CASP5: variants seen among roughly 807,000 people sequenced by gnomAD.
The protein encoded by CASP5 is caspase 5.
CASP5 carries 42 observed loss-of-function variants against 45.2 expected under a neutral mutation model. The observed-to-expected ratio is 0.93, with a 90% CI of 0.73 to 1.20. CASP5 has a LOEUF of 1.20. Ranked by LOEUF, CASP5 falls within the 50% of genes most tolerant of loss-of-function variation. CASP5 has a pLI of 0.00. For missense variants in CASP5, 512 were observed against 532.2 expected (o/e 0.96, Z 0.37); for synonymous variants, 209 against 186.2 (o/e 1.12, Z -1.00).
chr11:105,009,718 CACATATATATATATATAT>C (rs1231400214), intron 1 of CASP5, among the ~76,000 whole-genome samples: 5 of 83,578 alleles, frequency 6.0e-5, no homozygotes, highest in Non-Finnish European at 1.1e-4. Context: ...TATATATACA[CACATATATATATATATAT>C]ATATATATAT....
rs758411202 is a variant in CASP5 at position 105,007,159 on chromosome 11, CAA to C, written c.355_356del (p.Leu119AlafsTer36). On this transcript the variant is annotated frameshift_variant, in exon 3 of 10. Coordinates refer to ENST00000260315, the MANE Select transcript of CASP5 (RefSeq NM_004347.5). LOFTEE classifies it high-confidence loss of function. ...TTTGATGAGCCACGCGATTCTTTCG[CAA>C]AGAGTCTACCAAGATCAGGGCCTTG... Reference protein sequence around the residue: ...EDKALILVDSLRKNRVAHQMF... With the variant: ...EDKALILVDSXRKNRVAHQMF... 3.7e-6 allele frequency: 6 copies of C among 1,613,796 alleles called. No homozygotes were observed. In the African/African-American group the frequency reaches 4.0e-5, roughly 11 times the overall value.
In CASP5 at chr11:105,004,643, T is replaced by A. The variant is rs981475952; in HGVS notation, c.434-1260A>T. 1.1e-4 allele frequency among the ~76,000 whole-genome samples: 17 copies of A among 152,184 alleles called. 1 individual carries two copies. Among genetic ancestry groups the A allele is most frequent in the African/African-American group, 3.6e-4 (15 of 41,448 alleles). ...GTTTTTAAATATTTCATGTATTTTT[T>A]ATATATCAATCATTTGTTTCTCTTC... On this transcript the variant is annotated intron_variant, in intron 3 of 9. Transcript: ENST00000260315.
intron 4 of CASP5, 69 bp from the exon 5 acceptor site, chr11:105,002,270 T>C (rs1861777842): frequency 6.6e-7 from 1 of 1,507,890 alleles, no homozygotes; most frequent in Non-Finnish European, 9.1e-7. Flanking sequence ...TGCCTCACAA[T>C]TTTGCTTTTT....
At chr11:105,003,483 A>G (rs1861852384) in intron 3 of CASP5, 100 bp from the exon 4 acceptor site, 2 of 661,550 alleles carry the variant, frequency 3.0e-6, no homozygotes, top group Admixed American at 2.8e-5. Context: ...TCCTAGGAAA[A>G]AGACTCTTTA....
At chr11:105,014,892 T>C (rs1338015886) in intron 1 of CASP5, among the ~76,000 whole-genome samples, 2 of 152,164 alleles carry the variant, frequency 1.3e-5, no homozygotes, top group Non-Finnish European at 2.9e-5. Flanking sequence ...AGGTAGAAGA[T>C]AGCTGTCCAG....
Position 105,023,014 on chromosome 11 carries a change from A to G in CASP5, c.7+116T>C, listed in dbSNP as rs970430743. Reference sequence around the variant, plus strand: ...ACCACCAATAAGAGAAAGATTCAGCATGCACACTATTGGTTGATTTCCCTT... The same window carrying G: ...ACCACCAATAAGAGAAAGATTCAGCGTGCACACTATTGGTTGATTTCCCTT... On this transcript the variant is annotated intron_variant, in intron 1 of 9. Coordinates refer to ENST00000260315, the MANE Select transcript of CASP5 (RefSeq NM_004347.5). 1.5e-4 allele frequency: 136 copies of G among 913,340 alleles called. 1 individual carries two copies. The highest frequency in any genetic ancestry group is 1.3e-4 in the Non-Finnish European group (74 of 567,716). The allele number at this position is 913,340 out of a possible 1,614,324, so 56.6% of individuals were successfully genotyped here. A position where few individuals can be genotyped will look rare whatever the true frequency, so the allele number is the denominator to read the frequency against.
Position 105,007,209 on chromosome 11 carries a change from AT to A in CASP5, c.306del (p.Lys102AsnfsTer12). The A allele has an allele frequency of 6.2e-7, 1 of 1,613,660 alleles. No individual in the cohort carries two copies. Among genetic ancestry groups the A allele is most frequent in the Non-Finnish European group, 8.5e-7 (1 of 1,179,814 alleles). On this transcript the variant is annotated frameshift_variant, in exon 3 of 10. Transcript: ENST00000260315. LOFTEE classifies it high-confidence loss of function. ...TTGTCTTCAATTTTGGTATCATAATATTTTTTCTTTTCCTCTTCCTTCAATG... is the reference window on the plus strand; with the variant it reads ...TTGTCTTCAATTTTGGTATCATAATATTTTTCTTTTCCTCTTCCTTCAATG... ...VLTLKEEEKK[K>X]YYDTKIEDKA...
At chr11:105,022,277 T>A (rs1481327452) in intron 1 of CASP5, among the ~76,000 whole-genome samples, 1 of 151,598 alleles carries the variant, frequency 6.6e-6, no homozygotes, top group Admixed American at 6.6e-5. Context: ...AACCTGCACA[T>A]TGTGCACATG....
In CASP5 at chr11:105,007,245, C is replaced by T. The variant is rs543265797; in HGVS notation, c.271G>A (p.Asp91Asn). 12 of 1,612,666 alleles carry T rather than the reference C, an allele frequency of 7.4e-6. No homozygotes were observed. Among genetic ancestry groups the T allele is most frequent in the East Asian group, 2.2e-5 (1 of 44,860 alleles). The change falls in exon 3 of 10, where the codon GAT becomes AAT. Residue 91 changes from aspartate (D) to asparagine (N), a missense_variant. Asp to Asn is a conservative substitution (Grantham distance 23). Transcript: ENST00000260315. ...HGVFNYLAKH[D>N]VLTLKEEEKK... ...TCCTCTTCCTTCAATGTCAGAACATCGTGTTTTGCCAAATAATTAAAAACA... is the reference window on the plus strand; with the variant it reads ...TCCTCTTCCTTCAATGTCAGAACATTGTGTTTTGCCAAATAATTAAAAACA...
chr11:104,999,169 G>T, intron 6 of CASP5, 141 bp from the exon 7 acceptor site: 1 of 667,332 alleles, frequency 1.5e-6, no homozygotes, highest in Non-Finnish European at 2.4e-6. Flanking sequence ...AAGCCCACAT[G>T]CATTAAGTAT....
intron 2 of CASP5, 139 bp from the exon 3 acceptor site, chr11:105,007,473 C>CT: frequency 4.9e-6 from 4 of 816,788 alleles, no homozygotes; most frequent in Non-Finnish European, 7.6e-6. Context: ...TAACACACAT[C>CT]TTTTTTTGCA....
At chr11:105,022,405 C>A (rs1863017543) in intron 1 of CASP5, among the ~76,000 whole-genome samples, 1 of 152,018 alleles carries the variant, frequency 6.6e-6, no homozygotes. Context: ...CAGTTTCTTC[C>A]TTTTTCCAGT....
Position 105,008,859 on chromosome 11 carries a change from TG to T in CASP5, c.128del (p.Thr43AsnfsTer6), listed in dbSNP as rs1565386880. The T allele has an allele frequency of 1.2e-6, 2 of 1,613,214 alleles. No individual in the cohort carries two copies. The highest frequency in any genetic ancestry group is 3.3e-5 in the Admixed American group (2 of 59,856). ...HMLKNNVAGQ[T>X]SIQTLVPNTD... The stretch of plus-strand genomic sequence containing the variant: ...TATTAGGTACTAGGGTCTGGATAGA[TG>T]TTTGTCCAGCCACGTTGTTCTTTAG... On this transcript the variant is annotated frameshift_variant, in exon 2 of 10. Coordinates refer to ENST00000260315, the MANE Select transcript of CASP5 (RefSeq NM_004347.5). LOFTEE classifies it high-confidence loss of function.
intron 4 of CASP5, 140 bp from the exon 5 acceptor site, chr11:105,002,341 TCTC>T: frequency 1.5e-6 from 1 of 653,534 alleles, no homozygotes; most frequent in Non-Finnish European, 2.7e-6. Flanking sequence ...CCTTCCTCTC[TCTC>T]AAGAGCCCAG....
In CASP5 at chr11:105,000,228, C is replaced by G. The variant is rs145984095; in HGVS notation, c.952+33G>C. The G allele has an allele frequency of 3.1e-4, 498 of 1,609,674 alleles. 1 individual carries two copies. In the African/African-American group the frequency reaches 5.5e-3, roughly 18 times the overall value. The stretch of plus-strand genomic sequence containing the variant: ...CATCACAATCCTCTGCATACACCTT[C>G]AAAACTGTTAGATGTTCAGCCTCAG... On this transcript the variant is annotated intron_variant, in intron 6 of 9. Coordinates refer to ENST00000260315, the MANE Select transcript of CASP5 (RefSeq NM_004347.5).
At chr11:105,008,619 C>T (rs922976355) in intron 2 of CASP5, among the ~76,000 whole-genome samples, 188 bp downstream of exon 2, 6 of 151,852 alleles carry the variant, frequency 4.0e-5, no homozygotes, top group African/African-American at 9.7e-5. Context: ...GCCTTTTAGC[C>T]GATTGGAAAC....
Position 105,021,380 on chromosome 11 carries a change from A to G in CASP5, c.7+1750T>C, listed in dbSNP as rs920757160. Reference sequence around the variant, plus strand: ...CGTCAGAGTGAACAGGCAACCTACAAAATGGGAGAAAATTTTCGCAACCTA... The same window carrying G: ...CGTCAGAGTGAACAGGCAACCTACAGAATGGGAGAAAATTTTCGCAACCTA... On this transcript the variant is annotated intron_variant, in intron 1 of 9. Transcript: ENST00000260315. Among the ~76,000 whole-genome samples the G allele has an allele frequency of 8.2e-5, 12 of 146,566 alleles. 1 individual carries two copies. Among genetic ancestry groups the G allele is most frequent in the East Asian group, 1.9e-4 (1 of 5,182 alleles).
chr11:105,022,831 G>A (rs114434379), intron 1 of CASP5, among the ~76,000 whole-genome samples: 3 of 152,134 alleles, frequency 2.0e-5, no homozygotes, highest in East Asian at 3.9e-4. Context: ...AGAAATTTCC[G>A]GAGTTTTCTC....
At chr11:105,015,923 C>T (rs76781977) in intron 1 of CASP5, among the ~76,000 whole-genome samples, 8,872 of 152,150 alleles carry the variant, frequency 0.058, 787 homozygotes, top group African/African-American at 0.2. Flanking sequence ...ACATTTGCTT[C>T]TTTTTCTTAT....
Sources: gnomAD v4.1 joint callset for allele counts (sites outside exome capture counted in the v4.1 genomes callset) on GRCh38, gnomAD v4.1.1 for gene constraint, MANE v1.5 for transcripts, NCBI Gene and HGNC (gene_info 2026-07-23, HGNC 2026-07-21) for gene names.